The following ADH6 variants were observed in gnomAD, a reference collection of about 807,000 sequenced individuals.
ADH6 encodes the protein alcohol dehydrogenase 6.
Under a neutral mutation model 36.5 loss-of-function variants are expected in ADH6, and 34 were observed. The ratio of observed to expected loss-of-function variants is 0.93; its 90% confidence interval spans 0.71 to 1.24. The LOEUF is 1.24. ADH6 is among the 50% of genes most tolerant of loss of function. ADH6 has a pLI of 0.00. For synonymous variants in ADH6, 161 were observed against 155.5 expected, an observed-to-expected ratio of 1.04 and a Z score of -0.26; for missense variants, 440 against 447.0, an observed-to-expected ratio of 0.98 and a Z score of 0.14.
intron 8 of ADH6, 132 bp from the exon 9 acceptor site, chr4:99,204,375 A>C (rs1360556822): frequency 1.4e-6 from 2 of 1,444,574 alleles, no homozygotes; most frequent in East Asian, 2.6e-5. Context: ...TGAGAAGATT[A>C]AATAAGCCAT....
chr4:99,218,615 C>T (rs1023634437), intron 1 of ADH6, among the ~76,000 whole-genome samples: 3 of 152,150 alleles, frequency 2.0e-5, no homozygotes, highest in Non-Finnish European at 4.4e-5. Context: ...CCTTTCAGCC[C>T]CCAAACATAT....
chr4:99,218,142 T>A (rs560704575), intron 1 of ADH6, among the ~76,000 whole-genome samples: 5 of 152,304 alleles, frequency 3.3e-5, no homozygotes, highest in Admixed American at 2.0e-4. Flanking sequence ...ACTGGAGGTA[T>A]CTCAAACTCA....
rs142886780 is a variant in ADH6, at chr4:99,213,735, C to T, written c.133G>A (p.Gly45Arg). ...ACTTTCATCTCTGTACCACACAGTC[C>T]GGTGGCCACAACCTGTATGGAAGGC... ...KEVRIKVVAT[G>R]LCGTEMKVLG... Residue 45 changes from glycine (G) to arginine (R), a missense_variant, in exon 3 of 9, where the codon GGA becomes AGA. Transcript: ENST00000394899. 4.6e-5 allele frequency: 74 copies of T among 1,608,258 alleles called. No individual in the cohort carries two copies. The Middle Eastern group carries it at 5.5e-3, about 119-fold the overall frequency.
intron 2 of ADH6, among the ~76,000 whole-genome samples, chr4:99,214,512 TA>T (rs1002478347): frequency 1.4e-4 from 21 of 152,340 alleles, no homozygotes; most frequent in African/African-American, 5.1e-4. Flanking sequence ...TTGTTATTTG[TA>T]CAAGTCATAA....
Position 99,210,402 on chromosome 4 carries a change from A to C in ADH6, c.350+13T>G. ...ATTAAGTTTTCAAAAAGAAAATATT[A>C]GTAAAAACTTACTTGAATTGTATAC... On this transcript the variant is annotated intron_variant, in intron 4 of 8. Transcript: ENST00000394899. 1 of 1,600,884 alleles carries C rather than the reference A, an allele frequency of 6.2e-7. No individual in the cohort carries two copies. The highest frequency in any genetic ancestry group is 8.6e-7 in the Non-Finnish European group (1 of 1,169,478).
chr4:99,213,671 A>T lies in ADH6; in HGVS notation c.197T>A (p.Ile66Asn). The stretch of plus-strand genomic sequence containing the variant: ...GATTCCAGCCCCTTCATGGCCCAAG[A>T]TGGTGGGATACAAGAGGTCCAAGTG... ...SKHLDLLYPTILGHEGAGIVE... is the reference protein window; with the variant it reads ...SKHLDLLYPTNLGHEGAGIVE... Residue 66 changes from isoleucine to asparagine, a missense_variant, in exon 3 of 9, where the codon ATC becomes AAC. Transcript: ENST00000394899. The T allele has an allele frequency of 6.2e-7, 1 of 1,613,970 alleles. No homozygotes were observed.
chr4:99,217,453 C>T (rs113451275), intron 1 of ADH6, among the ~76,000 whole-genome samples: 8 of 152,118 alleles, frequency 5.3e-5, no homozygotes, highest in African/African-American at 1.7e-4. Context: ...CCCACGTATG[C>T]GTAAGAACAT....
In ADH6 at chr4:99,205,011, C is replaced by T. The variant is rs1352794102; in HGVS notation, c.1017G>A (p.Glu339=). 1 of 1,608,588 alleles carries T rather than the reference C, an allele frequency of 6.2e-7. No homozygotes were observed. The stretch of plus-strand genomic sequence containing the variant: ...TAATTAGTGGATCTAGATTCAACTT[C>T]TCTGCCATATAATCAGCAACCAGTT... The part of the protein sequence containing the change: ...IPKLVADYMA[E]KLNLDPLITH... Residue 339 remains glutamate (E), a synonymous_variant, in exon 8 of 9, where the codon GAG becomes GAA. Transcript: ENST00000394899.
rs78873228 is a variant in ADH6, at chr4:99,205,119, G to A, written c.965-56C>T. The A allele has an allele frequency of 2.3e-3, 3,485 of 1,489,280 alleles. 51 individuals carry two copies. The African/African-American group carries it at 0.04, about 17-fold the overall frequency. The allele number at this position is 1,489,280 out of a possible 1,614,324, so 92.3% of individuals were successfully genotyped here. ...ACATGAGGCTTCATTATAAAGGAAA[G>A]GTCATTCAAAGTAACTGCTGAAGTT... On this transcript the variant is annotated intron_variant, in intron 7 of 8. Transcript: ENST00000394899.
chr4:99,210,270 C>T lies in ADH6; in HGVS notation c.379G>A (p.Gly127Ser). 1 of 1,613,644 alleles carries T rather than the reference C, an allele frequency of 6.2e-7. No individual in the cohort carries two copies. Among genetic ancestry groups the T allele is most frequent in the Non-Finnish European group, 8.5e-7 (1 of 1,179,804 alleles). ...CCCTTGCAGGTAAACCTGCTGGTAC[C>T]ATCAGACATCAGTTGGGTTTTTGAC... ...KQSKTQLMSD[G>S]TSRFTCKGKS... is the part of the protein sequence containing the mutation. The change falls in exon 5 of 9, where the codon GGT (glycine) becomes AGT (serine). Residue 127 changes from glycine to serine, a missense_variant. Transcript: ENST00000394899.
intron 1 of ADH6, 86 bp from the exon 2 acceptor site, chr4:99,216,348 T>A: frequency 1.4e-6 from 1 of 737,480 alleles, no homozygotes; most frequent in Non-Finnish European, 2.0e-6. Flanking sequence ...ATAGAATCAT[T>A]AAATTGGATT....
chr4:99,208,566 A>G (rs761049994), intron 6 of ADH6, 102 bp downstream of exon 6: 1 of 1,363,266 alleles, frequency 7.3e-7, no homozygotes, highest in Non-Finnish European at 1.0e-6. Flanking sequence ...AAGGAAAATT[A>G]AATAGAGCAA....
At position 99,210,460 on chromosome 4, in the gene ADH6, C is replaced by T; in HGVS notation, c.305G>A (p.Cys102Tyr). 1.9e-6 allele frequency: 3 copies of T among 1,612,262 alleles called. No individual in the cohort carries two copies. Among genetic ancestry groups the T allele is most frequent in the Non-Finnish European group, 2.5e-6 (3 of 1,179,424 alleles). ...GCCCTCAGAATTCAGGCAAGAGGTA[C>T]ATTCTCCACACTGTGGCAGAAAGAG... ...ITLFLPQCGE[C>Y]TSCLNSEGNF... Residue 102 changes from cysteine to tyrosine, a missense_variant, in exon 4 of 9, where the codon TGT becomes TAT. By Grantham distance (194) the Cys-to-Tyr change is radical (BLOSUM62 -2). Transcript: ENST00000394899.
At chr4:99,204,711 G>A (rs12507078) in intron 8 of ADH6, 105,031 of 1,254,818 alleles carry the variant, frequency 0.084, 5,253 homozygotes, top group Admixed American at 0.25. Context: ...AACGGTAGGT[G>A]AACACTTAAA....
At chr4:99,204,340 AT>A in intron 8 of ADH6, 97 bp from the exon 9 acceptor site, 6 of 1,518,182 alleles carry the variant, frequency 4.0e-6, no homozygotes, top group Admixed American at 4.7e-5. Context: ...AGTAAACTAG[AT>A]TTTTTTTCTC....
At chr4:99,215,127 A>G (rs1371438161) in intron 2 of ADH6, among the ~76,000 whole-genome samples, 1 of 152,118 alleles carries the variant, frequency 6.6e-6, no homozygotes, top group African/African-American at 2.4e-5. Context: ...TCTTTGAGTG[A>G]GGGTCCAAAC....
intron 7 of ADH6, among the ~76,000 whole-genome samples, chr4:99,206,568 A>G (rs1322557596): frequency 8.5e-6 from 1 of 118,124 alleles, no homozygotes; most frequent in Non-Finnish European, 1.7e-5. Flanking sequence ...CTGGATTATT[A>G]CTTTTTTTTT....
Position 99,213,725 on chromosome 4 carries a change from C to T in ADH6, c.143G>A (p.Gly48Asp), listed in dbSNP as rs1731305859. The change falls in exon 3 of 9, where the codon GGT (glycine) becomes GAT (aspartate). Residue 48 changes from glycine (G) to aspartate (D), a missense_variant. Transcript: ENST00000394899. The stretch of plus-strand genomic sequence containing the variant: ...ACTCCCCAACACTTTCATCTCTGTA[C>T]CACACAGTCCGGTGGCCACAACCTG... ...RIKVVATGLC[G>D]TEMKVLGSKH... 2 of 1,612,242 alleles carry T rather than the reference C, an allele frequency of 1.2e-6. No individual in the cohort carries two copies. Among genetic ancestry groups the T allele is most frequent in the Admixed American group, 1.7e-5 (1 of 59,496 alleles).
At chr4:99,205,669 C>G (rs576512129) in intron 7 of ADH6, among the ~76,000 whole-genome samples, 248 of 152,198 alleles carry the variant, frequency 1.6e-3, no homozygotes, top group Non-Finnish European at 3.0e-3. Flanking sequence ...TGTATTTTCT[C>G]TATTCCCGTG....
Sources: allele counts gnomAD v4.1 joint callset (sites outside exome capture counted in the v4.1 genomes callset), GRCh38; gene constraint gnomAD v4.1.1; transcripts MANE v1.5; gene names NCBI Gene and HGNC (gene_info 2026-07-23, HGNC 2026-07-21).